Variants in CLVS1 observed in about 807,000 individuals in gnomAD.
CLVS1 encodes the protein clavesin-1.
CLVS1 carries 10 observed loss-of-function variants against 33.1 expected under a neutral mutation model. That is an observed-to-expected ratio of 0.30 (90% CI 0.19 to 0.51). CLVS1 has a LOEUF of 0.51. Ranked by LOEUF, CLVS1 falls within the 20% of genes least tolerant of loss-of-function variation. CLVS1 has a pLI of 0.97. For synonymous variants in CLVS1, 163 were observed against 166.1 expected, an observed-to-expected ratio of 0.98 and a Z score of 0.14; for missense variants, 343 against 433.4, an observed-to-expected ratio of 0.79 and a Z score of 1.85.
At chr8:61,485,232 TCAAA>T (rs1178245665) in intron 5 of CLVS1, among the ~76,000 whole-genome samples, 1 of 151,894 alleles carries the variant, frequency 6.6e-6, no homozygotes, top group Non-Finnish European at 1.5e-5. Context: ...TACAATGAAC[TCAAA>T]CAAATTTACA....
chr8:61,444,090 G>A (rs1292292816), intron 3 of CLVS1, among the ~76,000 whole-genome samples: 1 of 152,082 alleles, frequency 6.6e-6, no homozygotes, highest in African/African-American at 2.4e-5. Flanking sequence ...CTGCAACATT[G>A]ATAAACTCAT....
At chr8:61,139,527 G>C (rs758961676) in intron 2 of CLVS1, among the ~76,000 whole-genome samples, 1 of 152,194 alleles carries the variant, frequency 6.6e-6, no homozygotes, top group Non-Finnish European at 1.5e-5. Context: ...TGCCAGCAGC[G>C]GGAGGGGCGT....
chr8:60,989,137 G>A, the CLVS1 span, among the ~76,000 whole-genome samples: 1 of 151,942 alleles, frequency 6.6e-6, no homozygotes, highest in African/African-American at 2.4e-5. Flanking sequence ...AAAGTGTTGG[G>A]ATTACAGGCG....
intron 2 of CLVS1, among the ~76,000 whole-genome samples, chr8:61,222,700 T>C (rs1808241828): frequency 6.6e-6 from 1 of 152,242 alleles, no homozygotes; most frequent in Non-Finnish European, 1.5e-5. Flanking sequence ...GTCCACTTGA[T>C]GCAGAGTTGA....
chr8:61,026,121 G>A, the CLVS1 span, among the ~76,000 whole-genome samples: 2 of 151,054 alleles, frequency 1.3e-5, no homozygotes, highest in African/African-American at 4.9e-5. Context: ...GGTCTTTATA[G>A]AGGTACTTAA....
chr8:60,994,278 T>A, the CLVS1 span, among the ~76,000 whole-genome samples: 2 of 152,176 alleles, frequency 1.3e-5, no homozygotes, highest in Non-Finnish European at 2.9e-5. Context: ...CCTAATGACC[T>A]TGTTTTAACA....
chr8:61,395,905 C>T (rs1277010335), intron 3 of CLVS1, among the ~76,000 whole-genome samples: 1 of 152,150 alleles, frequency 6.6e-6, no homozygotes, highest in African/African-American at 2.4e-5. Context: ...GACTCTCAAC[C>T]TGTGCTTTAA....
chr8:61,269,087 T>C (rs1809375994), intron 2 of CLVS1, among the ~76,000 whole-genome samples: 1 of 149,386 alleles, frequency 6.7e-6, no homozygotes, highest in South Asian at 2.2e-4. Context: ...CATGAAGTCC[T>C]TGCCCATGCC....
At chr8:61,202,407 T>C in intron 2 of CLVS1, 1 of 765,832 alleles carries the variant, frequency 1.3e-6, no homozygotes, top group South Asian at 1.4e-5. Context: ...ACTATCTTTT[T>C]GGTTGTGAAC....
At chr8:61,370,188 T>A (rs1216915503) in intron 2 of CLVS1, among the ~76,000 whole-genome samples, 1 of 95,100 alleles carries the variant, frequency 1.1e-5, no homozygotes, top group African/African-American at 2.6e-5. Flanking sequence ...GGGCAAAGAG[T>A]TTTTTTATAA....
chr8:61,245,061 A>G (rs1455371171), intron 2 of CLVS1, among the ~76,000 whole-genome samples: 1 of 152,060 alleles, frequency 6.6e-6, no homozygotes, highest in Non-Finnish European at 1.5e-5. Context: ...GCCACTTTTT[A>G]CTTTTAACAA....
At chr8:61,074,985 C>G (rs566242863) in intron 1 of CLVS1, among the ~76,000 whole-genome samples, 36 of 152,248 alleles carry the variant, frequency 2.4e-4, no homozygotes, top group South Asian at 8.3e-4. Context: ...TCCTCCCCCC[C>G]CTTTTAAATG....
Position 61,452,460 on chromosome 8 carries a change from C to T in CLVS1, c.631-1681C>T, listed in dbSNP as rs981652788. ...GTATGTGAAATAATGAATTCTACTT[C>T]TAAATAAGAAGTTAAAAGGAGCCAA... On this transcript the variant is annotated intron_variant, in intron 3 of 5. Transcript: ENST00000325897. Among the ~76,000 whole-genome samples, 71 of 152,160 alleles carry T rather than the reference C, an allele frequency of 4.7e-4. 1 individual carries two copies. The highest frequency in any genetic ancestry group is 2.6e-4 in the Admixed American group (4 of 15,284).
At chr8:61,201,249 C>A (rs1046861886) in intron 2 of CLVS1, among the ~76,000 whole-genome samples, 14 of 152,122 alleles carry the variant, frequency 9.2e-5, no homozygotes, top group African/African-American at 2.7e-4. Context: ...GGTTAGCTAA[C>A]CTTACAGATG....
intron 3 of CLVS1, among the ~76,000 whole-genome samples, chr8:61,395,203 G>A (rs1260528638): frequency 1.3e-5 from 2 of 152,150 alleles, no homozygotes; most frequent in Non-Finnish European, 2.9e-5. Context: ...ATAAGCCAGG[G>A]ACAGAAAGAC....
At chr8:61,196,514 A>G (rs1453340045) in intron 2 of CLVS1, among the ~76,000 whole-genome samples, 4 of 152,142 alleles carry the variant, frequency 2.6e-5, no homozygotes, top group Non-Finnish European at 4.4e-5. Context: ...TTATTCATGT[A>G]TTTTGGAAGC....
Position 61,133,536 on chromosome 8 carries a change from G to A in CLVS1, c.-152+1676G>A, listed in dbSNP as rs547947963. Among the ~76,000 whole-genome samples the A allele has an allele frequency of 3.3e-5, 5 of 152,270 alleles. 1 individual carries two copies. The highest frequency in any genetic ancestry group is 1.2e-4 in the African/African-American group (5 of 41,528). On this transcript the variant is annotated intron_variant, in intron 2 of 2. Transcript: ENST00000522621. ...CAGTCAGGTAGGGGCCAGATCAAAGGACCTTTTGTGTCACATTGAGGAGCT... is the reference window on the plus strand; with the variant it reads ...CAGTCAGGTAGGGGCCAGATCAAAGAACCTTTTGTGTCACATTGAGGAGCT...
intron 2 of CLVS1, among the ~76,000 whole-genome samples, chr8:61,278,455 G>A (rs1182898507): frequency 1.3e-5 from 2 of 152,106 alleles, no homozygotes; most frequent in South Asian, 4.1e-4. Flanking sequence ...GTATAGATGT[G>A]TTTCCTTTTT....
At chr8:61,079,594 A>G (rs1457796815) in intron 1 of CLVS1, among the ~76,000 whole-genome samples, 2 of 152,152 alleles carry the variant, frequency 1.3e-5, no homozygotes, top group Non-Finnish European at 2.9e-5. Context: ...ATGAATCTCA[A>G]TTACCTGTGA....
Sources: gnomAD v4.1 joint callset for allele counts (sites outside exome capture counted in the v4.1 genomes callset) on GRCh38, gnomAD v4.1.1 for gene constraint, MANE v1.5 for transcripts, NCBI Gene and HGNC (gene_info 2026-07-23, HGNC 2026-07-21) for gene names.